Variants in GLCE observed in about 807,000 individuals in gnomAD.
GLCE encodes the protein D-glucuronyl C5-epimerase.
In GLCE, 19 loss-of-function variants were observed where a neutral mutation model predicts 47.9. That is an observed-to-expected ratio of 0.40 (90% confidence interval 0.28 to 0.58). The LOEUF is 0.58. Among genes scored for constraint, GLCE ranks in the 20% least tolerant of loss-of-function variants. The pLI, the probability that GLCE is intolerant of heterozygous loss-of-function variation, is 0.48. For missense variants in GLCE, 556 were observed against 743.3 expected (o/e 0.75, Z 2.93); for synonymous variants, 245 against 263.4 (o/e 0.93, Z 0.68).
intron 1 of GLCE, among the ~76,000 whole-genome samples, chr15:69,204,560 C>T (rs1020184623): frequency 1.6e-4 from 25 of 152,070 alleles, no homozygotes; most frequent in African/African-American, 5.6e-4. Flanking sequence ...CCTGGGATTA[C>T]AAGCATGAGC....
intron 2 of GLCE, among the ~76,000 whole-genome samples, chr15:69,213,817 A>T (rs2140378930): frequency 6.6e-6 from 1 of 152,174 alleles, no homozygotes; most frequent in Admixed American, 6.6e-5. Flanking sequence ...ATCAATTATA[A>T]TTCTTCTGTA....
At chr15:69,245,772 A>G (rs2052737571) in intron 2 of GLCE, among the ~76,000 whole-genome samples, 1 of 151,996 alleles carries the variant, frequency 6.6e-6, no homozygotes, top group South Asian at 2.1e-4. Context: ...TCTGTCATCT[A>G]GGCTGGAGTG....
intron 1 of GLCE, among the ~76,000 whole-genome samples, chr15:69,165,347 G>T (rs1218520897): frequency 6.6e-6 from 1 of 152,030 alleles, no homozygotes; most frequent in Non-Finnish European, 1.5e-5. Context: ...ATCTAAAGCT[G>T]CACTTGTACT....
chr15:69,201,670 T>C (rs2052077989), intron 1 of GLCE, among the ~76,000 whole-genome samples: 1 of 150,104 alleles, frequency 6.7e-6, no homozygotes, highest in East Asian at 2.0e-4. Context: ...CTTTGTTTTT[T>C]CTTTGCATTG....
Position 69,269,207 on chromosome 15 carries a change from A to G in GLCE, c.1817A>G (p.Lys606Arg), listed in dbSNP as rs1435424911. ...PVFKEFVKRWKSYLKGSRAKH... is the reference protein window; with the variant it reads ...PVFKEFVKRWRSYLKGSRAKH... ...TTCAAAGAATTTGTCAAGAGGTGGA[A>G]AAGCTACCTTAAAGGCAGCAGGGCA... The change falls in exon 5 of 5, where the codon AAA (lysine) becomes AGA (arginine). Residue 606 changes from lysine (K) to arginine (R), a missense_variant. Coordinates refer to ENST00000261858, the MANE Select transcript of GLCE (RefSeq NM_015554.3). 1 of 1,614,178 alleles carries G rather than the reference A, an allele frequency of 6.2e-7. No homozygotes were observed. The highest frequency in any genetic ancestry group is 1.1e-5 in the South Asian group (1 of 91,082).
intron 1 of GLCE, among the ~76,000 whole-genome samples, chr15:69,164,585 A>G (rs1202792075): frequency 2.0e-5 from 3 of 151,308 alleles, no homozygotes; most frequent in African/African-American, 7.3e-5. Flanking sequence ...AGATACATAT[A>G]CACACACTTA....
At chr15:69,167,687 A>C (rs777335949) in intron 1 of GLCE, among the ~76,000 whole-genome samples, 5 of 152,214 alleles carry the variant, frequency 3.3e-5, no homozygotes, top group African/African-American at 1.2e-4. Flanking sequence ...TGAGTAGTAT[A>C]ACTTTAGCAG....
chr15:69,179,671 A>T (rs868387125), intron 1 of GLCE, among the ~76,000 whole-genome samples: 3 of 152,206 alleles, frequency 2.0e-5, no homozygotes, highest in African/African-American at 7.2e-5. Flanking sequence ...ATAGAGATAT[A>T]CCAACAATTC....
At chr15:69,193,720 T>C (rs1474308566) in intron 1 of GLCE, among the ~76,000 whole-genome samples, 1 of 152,018 alleles carries the variant, frequency 6.6e-6, no homozygotes, top group Admixed American at 6.6e-5. Flanking sequence ...ATCCTGTGCT[T>C]GTACTACCTG....
At chr15:69,174,282 A>G (rs1216460791) in intron 1 of GLCE, among the ~76,000 whole-genome samples, 2 of 152,228 alleles carry the variant, frequency 1.3e-5, no homozygotes, top group Non-Finnish European at 2.9e-5. Context: ...CATTAAATTC[A>G]AATGCTTGTG....
chr15:69,244,750 A>T (rs192160556), intron 2 of GLCE, among the ~76,000 whole-genome samples: 2,061 of 152,118 alleles, frequency 0.014, 20 homozygotes, highest in South Asian at 0.045. Flanking sequence ...AATGCACAAA[A>T]TTTTTTTATC....
intron 1 of GLCE, among the ~76,000 whole-genome samples, chr15:69,173,391 T>C (rs1265139835): frequency 6.6e-6 from 1 of 152,228 alleles, no homozygotes; most frequent in African/African-American, 2.4e-5. Flanking sequence ...ATGTTCTTCC[T>C]GACTCAAATC....
chr15:69,164,177 C>G (rs2051467469), intron 1 of GLCE, among the ~76,000 whole-genome samples: 1 of 151,980 alleles, frequency 6.6e-6, no homozygotes, highest in Non-Finnish European at 1.5e-5. Flanking sequence ...ATATACACAT[C>G]TGATAGATAT....
At chr15:69,214,054 G>A (rs2052269647) in intron 2 of GLCE, among the ~76,000 whole-genome samples, 1 of 151,718 alleles carries the variant, frequency 6.6e-6, no homozygotes, top group Non-Finnish European at 1.5e-5. Context: ...CTGACTTTAT[G>A]AGATGCTTCA....
intron 1 of GLCE, among the ~76,000 whole-genome samples, chr15:69,169,225 TCTTCTGTTGACAG>T (rs2051549537): frequency 6.6e-6 from 1 of 152,196 alleles, no homozygotes; most frequent in Non-Finnish European, 1.5e-5. Context: ...TCTATTTGCG[TCTTCTGTTGACAG>T]ACATTTGGGC....
intron 1 of GLCE, among the ~76,000 whole-genome samples, chr15:69,185,671 T>C (rs553736575): frequency 6.6e-6 from 1 of 152,110 alleles, no homozygotes; most frequent in South Asian, 2.1e-4. Context: ...ACCACAAAAA[T>C]CATCATCAAT....
chr15:69,257,334 TA>T (rs1363412108), intron 3 of GLCE, among the ~76,000 whole-genome samples: 3 of 152,104 alleles, frequency 2.0e-5, no homozygotes, highest in African/African-American at 7.2e-5. Context: ...AAATTTTTTA[TA>T]ATATCTTTTT....
At position 69,199,959 on chromosome 15, in the gene GLCE, A is replaced by G. The variant is rs559863790; in HGVS notation, c.-104-10357A>G. Reference sequence around the variant, plus strand: ...AGACTTCTATCCGTTATGATTCCTTAATCACTTATTTGGCTGGGTTTTATC... The same window carrying G: ...AGACTTCTATCCGTTATGATTCCTTGATCACTTATTTGGCTGGGTTTTATC... On this transcript the variant is annotated intron_variant, in intron 1 of 4. Coordinates refer to ENST00000261858, the MANE Select transcript of GLCE (RefSeq NM_015554.3). Among the ~76,000 whole-genome samples, 3 of 152,266 alleles carry G rather than the reference A, an allele frequency of 2.0e-5. No individual in the cohort carries two copies. The East Asian group carries it at 5.8e-4, about 29-fold the overall frequency.
Position 69,269,413 on chromosome 15 carries a change from G to C in GLCE, c.*169G>C, listed in dbSNP as rs2053133944. ...GCCTTCTAAAATAATTGCATTCCAT[G>C]GGTTGGGTATTTAGAAATGTAGGTG... On this transcript the variant is annotated 3_prime_UTR_variant, in exon 5 of 5. Transcript: ENST00000261858. 1 of 606,688 alleles carries C rather than the reference G, an allele frequency of 1.6e-6. No individual in the cohort carries two copies. The highest frequency in any genetic ancestry group is 2.7e-5 in the East Asian group (1 of 36,414). The allele number at this position is 606,688 out of a possible 1,614,324, so 37.6% of individuals were successfully genotyped here.
Sources: gnomAD v4.1 joint callset for allele counts (sites outside exome capture counted in the v4.1 genomes callset) on GRCh38, gnomAD v4.1.1 for gene constraint, MANE v1.5 for transcripts, NCBI Gene and HGNC (gene_info 2026-07-23, HGNC 2026-07-21) for gene names.